TTLL13: variants seen among roughly 807,000 people sequenced by gnomAD.
The protein encoded by TTLL13 is tubulin polyglutamylase TTLL13.
chr15:90,262,855 G>T, the TTLL13 span: 2 of 1,295,152 alleles, frequency 1.5e-6, no homozygotes, highest in Non-Finnish European at 2.1e-6. Flanking sequence ...GAACCTTCCT[G>T]GGTCAGGGAA....
chr15:90,249,637 C>T, the TTLL13 span: 1 of 152,246 alleles, frequency 6.6e-6, no homozygotes, highest in Non-Finnish European at 1.5e-5. Context: ...GCTTCCCCCT[C>T]GCGATCGTGG....
the TTLL13 span, among the ~76,000 whole-genome samples, chr15:90,254,834 A>G: frequency 0.21 from 32,030 of 152,066 alleles, 3,933 homozygotes; most frequent in South Asian, 0.33. Context: ...CGACAGAGGG[A>G]GACCCTGTCT....
the TTLL13 span, among the ~76,000 whole-genome samples, chr15:90,252,910 C>T: frequency 6.6e-6 from 1 of 151,996 alleles, no homozygotes; most frequent in South Asian, 2.1e-4. Flanking sequence ...CGCTGAGGCA[C>T]GAGAATCTCT....
chr15:90,253,213 T>C, the TTLL13 span: 1 of 1,565,110 alleles, frequency 6.4e-7, no homozygotes, highest in Non-Finnish European at 8.8e-7. Context: ...GTTGCTGGTG[T>C]CCATGCTGGC....
the TTLL13 span, chr15:90,256,406 C>T: frequency 7.3e-7 from 1 of 1,368,164 alleles, no homozygotes; most frequent in Non-Finnish European, 1.0e-6. Context: ...ACCCTTCCCA[C>T]TAGCCCCGTT....
chr15:90,254,319 C>A, the TTLL13 span, among the ~76,000 whole-genome samples: 28 of 151,814 alleles, frequency 1.8e-4, no homozygotes, highest in African/African-American at 6.0e-4. Context: ...AGGGTAAAAC[C>A]CCATCTCTAC....
chr15:90,251,408 G>A, the TTLL13 span: 5 of 802,592 alleles, frequency 6.2e-6, no homozygotes, highest in African/African-American at 6.8e-5. Flanking sequence ...ACAGGCATGA[G>A]CCACCGCGCC....
At chr15:90,263,510 C>G in the TTLL13 span, 4 of 527,026 alleles carry the variant, frequency 7.6e-6, no homozygotes, top group Admixed American at 1.0e-4. Context: ...TGCCCCAGCT[C>G]TAATGGGAGA....
the TTLL13 span, chr15:90,262,768 A>AAG: frequency 2.4e-6 from 3 of 1,257,028 alleles, no homozygotes; most frequent in Non-Finnish European, 2.1e-6. Flanking sequence ...CCCCATGCAC[A>AAG]AGAGAGAGAG....
chr15:90,257,792 C>G, the TTLL13 span: 7 of 1,477,270 alleles, frequency 4.7e-6, no homozygotes, highest in Non-Finnish European at 5.7e-6. Context: ...CCCATGAAAC[C>G]AAGCTGGCTC....
the TTLL13 span, chr15:90,250,888 G>T: frequency 1.2e-6 from 2 of 1,613,280 alleles, no homozygotes; most frequent in Admixed American, 3.3e-5. Context: ...GGAAACGCAG[G>T]TAACTATTCC....
chr15:90,256,031 G>C, the TTLL13 span: 13 of 1,558,026 alleles, frequency 8.3e-6, no homozygotes, highest in African/African-American at 1.2e-4. Context: ...GAGGGTCTGA[G>C]ACTGAGTGCT....
At chr15:90,264,208 T>C in the TTLL13 span, 1 of 618,434 alleles carries the variant, frequency 1.6e-6, no homozygotes, top group Non-Finnish European at 2.8e-6. Flanking sequence ...TCCTTTTTTT[T>C]TGAGACAAGG....
At chr15:90,263,857 G>T in the TTLL13 span, 3 of 882,364 alleles carry the variant, frequency 3.4e-6, no homozygotes, top group African/African-American at 5.0e-5. Flanking sequence ...CCTGCATCCA[G>T]TTCTGCCCCA....
chr15:90,250,183 T>A, the TTLL13 span, among the ~76,000 whole-genome samples: 3 of 152,034 alleles, frequency 2.0e-5, no homozygotes, highest in African/African-American at 7.2e-5. Flanking sequence ...GCTCTCCAAC[T>A]CCAGACCTCA....
the TTLL13 span, among the ~76,000 whole-genome samples, chr15:90,260,759 G>A: frequency 6.6e-6 from 1 of 150,906 alleles, no homozygotes; most frequent in African/African-American, 2.4e-5. Flanking sequence ...GCTGAGGCAG[G>A]AGAATCGCTT....
the TTLL13 span, among the ~76,000 whole-genome samples, chr15:90,261,732 A>G: frequency 1.3e-5 from 2 of 152,184 alleles, no homozygotes; most frequent in African/African-American, 4.8e-5. Context: ...GTGAGCAGAG[A>G]TTGTGCCAGT....
the TTLL13 span, among the ~76,000 whole-genome samples, chr15:90,251,280 A>ATTTTTTTTTTTTTTT: frequency 1.3e-3 from 145 of 109,404 alleles, no homozygotes; most frequent in African/African-American, 2.1e-3. Flanking sequence ...CGCATGGCAA[A>ATTTTTTTTTTTTTTT]TTTTTTTTTT....
the TTLL13 span, among the ~76,000 whole-genome samples, chr15:90,256,593 C>T: frequency 7.7e-5 from 3 of 39,056 alleles, no homozygotes; most frequent in African/African-American, 1.0e-4. Flanking sequence ...TTCTTTCTTT[C>T]TTTCTTTCTT....
Sources: allele counts gnomAD v4.1 joint callset (sites outside exome capture counted in the v4.1 genomes callset), GRCh38; gene constraint gnomAD v4.1.1; transcripts MANE v1.5; gene names NCBI Gene and HGNC (gene_info 2026-07-23, HGNC 2026-07-21).